ANKH: variants seen among roughly 807,000 people sequenced by gnomAD.
The protein encoded by ANKH is mineralization regulator ANKH.
Under a neutral mutation model 49.0 loss-of-function variants are expected in ANKH, and 15 were observed. That is an observed-to-expected ratio of 0.31 (90% confidence interval 0.20 to 0.47). ANKH has a LOEUF of 0.47. ANKH is among the 20% of genes least tolerant of loss of function. The pLI is 1.00. For synonymous variants in ANKH, 273 were observed against 260.0 expected (o/e 1.05, Z -0.48); for missense variants, 429 against 652.0 (o/e 0.66, Z 3.72).
intron 1 of ANKH, 96 bp from the exon 2 acceptor site, chr5:14,769,287 A>T: frequency 9.6e-7 from 1 of 1,040,734 alleles, no homozygotes; most frequent in Non-Finnish European, 1.5e-6. Context: ...TCACGTTTCT[A>T]TAGAAACACT....
intron 1 of ANKH, among the ~76,000 whole-genome samples, chr5:14,809,354 A>AAAAAAG (rs1561065397): frequency 5.1e-4 from 67 of 130,230 alleles, no homozygotes; most frequent in East Asian, 2.2e-3. Flanking sequence ...AAAAAAAAAA[A>AAAAAAG]AAAGAAAAAA....
intron 7 of ANKH, among the ~76,000 whole-genome samples, chr5:14,743,874 C>G (rs989098455): frequency 6.6e-6 from 1 of 152,176 alleles, no homozygotes; most frequent in Non-Finnish European, 1.5e-5. Flanking sequence ...CTTGGATGCT[C>G]TTACTGAAAC....
At position 14,751,198 on chromosome 5, in the gene ANKH, G is replaced by A. The variant is rs1289982722; in HGVS notation, c.558C>T (p.Cys186=). Residue 186 remains cysteine (C), a synonymous_variant, in exon 5 of 12, where the codon TGC becomes TGT. Coordinates refer to ENST00000284268, the MANE Select transcript of ANKH (RefSeq NM_054027.6). The part of the protein sequence containing the change: ...VAILLHSHLE[C]REPLLIPILS... Reference sequence around the variant, plus strand: ...GGATCGGGATGAGCAGGGGCTCCCGGCATTCCAGGTGACTGTGAAGCAAAA... The same window carrying A: ...GGATCGGGATGAGCAGGGGCTCCCGACATTCCAGGTGACTGTGAAGCAAAA... 2 of 1,614,194 alleles carry A rather than the reference G, an allele frequency of 1.2e-6. No individual in the cohort carries two copies. Among genetic ancestry groups the A allele is most frequent in the East Asian group, 4.5e-5 (2 of 44,872 alleles).
In ANKH at chr5:14,706,649, T is replaced by C. The variant is rs557194916; in HGVS notation, c.*4548A>G. The C allele has an allele frequency of 1.3e-5, 2 of 152,318 alleles. No individual in the cohort carries two copies. The highest frequency in any genetic ancestry group is 3.9e-4 in the East Asian group (2 of 5,190). 9.4% of individuals were successfully genotyped at this position (152,318 alleles called of 1,614,324 possible). A position where few individuals can be genotyped will look rare whatever the true frequency, so the allele number is the denominator to read the frequency against. ...TGAACATTTGCATGATTTTAGACAT[T>C]TTGCCTTTAAAAGGGCAGGCAACAG... On this transcript the variant is annotated 3_prime_UTR_variant, in exon 12 of 12. Transcript: ENST00000284268.
At chr5:14,717,960 G>C (rs1336989268) in intron 8 of ANKH, among the ~76,000 whole-genome samples, 1 of 152,146 alleles carries the variant, frequency 6.6e-6, no homozygotes, top group Non-Finnish European at 1.5e-5. Flanking sequence ...GAAAACGGGG[G>C]AATTAAGAGA....
chr5:14,776,758 T>A (rs1055357508), intron 1 of ANKH, among the ~76,000 whole-genome samples: 6 of 152,218 alleles, frequency 3.9e-5, no homozygotes, highest in Middle Eastern at 3.2e-3. Flanking sequence ...GCCAAGACAT[T>A]CACCAGGGCA....
rs1737094396 is a variant in ANKH at position 14,709,868 on chromosome 5, C to T, written c.*1329G>A. ...TGCGAAAATAGGAAATGTATTATAG[C>T]CTAAAATAAATTACATAACATATAC... On this transcript the variant is annotated 3_prime_UTR_variant, in exon 12 of 12. Coordinates refer to ENST00000284268, the MANE Select transcript of ANKH (RefSeq NM_054027.6). The T allele has an allele frequency of 6.6e-6, 1 of 152,480 alleles. No homozygotes were observed. 9.4% of individuals were successfully genotyped at this position (152,480 alleles called of 1,614,324 possible).
intron 1 of ANKH, among the ~76,000 whole-genome samples, chr5:14,837,082 C>A (rs1741677405): frequency 6.6e-6 from 1 of 152,190 alleles, no homozygotes. Flanking sequence ...AAAGCTGAAA[C>A]TGGATCCCTT....
chr5:14,863,018 A>T (rs916627259), intron 1 of ANKH, among the ~76,000 whole-genome samples: 1 of 152,188 alleles, frequency 6.6e-6, no homozygotes, highest in African/African-American at 2.4e-5. Flanking sequence ...AACATCAAAA[A>T]GCAAGAACTC....
Position 14,711,012 on chromosome 5 carries a change from T to C in ANKH, c.*185A>G, listed in dbSNP as rs1474518580. 6.3e-6 allele frequency: 4 copies of C among 638,506 alleles called. No individual in the cohort carries two copies. In the East Asian group the frequency reaches 8.4e-5, roughly 13 times the overall value. The allele number at this position is 638,506 out of a possible 1,614,324, so 39.6% of individuals were successfully genotyped here. Reference sequence around the variant, plus strand: ...GCAACAGTAAAGACCATTCACTAGGTCCCCCCGTCAGTGTGAGCATACCCA... The same window carrying C: ...GCAACAGTAAAGACCATTCACTAGGCCCCCCCGTCAGTGTGAGCATACCCA... On this transcript the variant is annotated 3_prime_UTR_variant, in exon 12 of 12. Transcript: ENST00000284268.
chr5:14,794,379 G>T (rs1161379551), intron 1 of ANKH, among the ~76,000 whole-genome samples: 1 of 152,254 alleles, frequency 6.6e-6, no homozygotes, highest in Non-Finnish European at 1.5e-5. Context: ...GCAGAGAGGG[G>T]CCCTGGCCGT....
At position 14,763,963 on chromosome 5, in the gene ANKH, C is replaced by T. The variant is rs258216; in HGVS notation, c.313+5012G>A. Among the ~76,000 whole-genome samples, 756 of 152,142 alleles carry T rather than the reference C, an allele frequency of 5.0e-3. 5 individuals carry two copies. Among genetic ancestry groups the T allele is most frequent in the Non-Finnish European group, 6.4e-3 (436 of 68,014 alleles). On this transcript the variant is annotated intron_variant, in intron 2 of 11. Coordinates refer to ENST00000284268, the MANE Select transcript of ANKH (RefSeq NM_054027.6). ...AATTAGCTGGGTGAGGTGGCAGGTG[C>T]CTGTAATCCCAGCTACTTGGGAGGC...
chr5:14,722,436 TTAGAGAAA>T (rs1354966945), intron 8 of ANKH, among the ~76,000 whole-genome samples: 5 of 152,142 alleles, frequency 3.3e-5, no homozygotes, highest in African/African-American at 1.2e-4. Context: ...CCAGGATTCC[TTAGAGAAA>T]TGACTCATTC....
At chr5:14,761,037 C>T (rs1331562126) in intron 2 of ANKH, among the ~76,000 whole-genome samples, 1 of 152,074 alleles carries the variant, frequency 6.6e-6, no homozygotes, top group Admixed American at 6.5e-5. Flanking sequence ...AACGGATATT[C>T]AGATACAGAG....
At chr5:14,809,329 G>A (rs1740801700) in intron 1 of ANKH, among the ~76,000 whole-genome samples, 1 of 41,958 alleles carries the variant, frequency 2.4e-5, no homozygotes, top group African/African-American at 1.0e-4. Flanking sequence ...AAAACTTAGA[G>A]TATAATAAAA....
In ANKH at chr5:14,712,903, T is replaced by C. The variant is rs778247492; in HGVS notation, c.1336A>G (p.Ile446Val). ...TTCCGGTAGACATAGCACGCAGCGA[T>C]GGCGACCATGGTGGATTCTCCCACA... ...GFVGESTMVA[I>V]AACYVYRKQK... Residue 446 changes from isoleucine (I) to valine (V), a missense_variant, in exon 11 of 12, where the codon ATC (isoleucine) becomes GTC (valine). Physicochemically the swap from Ile to Val is conservative, Grantham distance 29 (BLOSUM62 3). This residue lies in a region of ANKH where 378 missense variants were observed against 615.3 expected (regional missense o/e 0.61). Transcript: ENST00000284268. 1 of 1,612,794 alleles carries C rather than the reference T, an allele frequency of 6.2e-7. No homozygotes were observed. Among genetic ancestry groups the C allele is most frequent in the East Asian group, 2.2e-5 (1 of 44,846 alleles).
At chr5:14,806,809 A>G (rs914310132) in intron 1 of ANKH, among the ~76,000 whole-genome samples, 4 of 152,226 alleles carry the variant, frequency 2.6e-5, no homozygotes, top group African/African-American at 9.6e-5. Flanking sequence ...CTCTGAACTG[A>G]TGCCTATGCA....
rs1737098985 is a variant in ANKH at position 14,709,924 on chromosome 5, T to G, written c.*1273A>C. 1.3e-5 allele frequency: 2 copies of G among 152,432 alleles called. No individual in the cohort carries two copies. Among genetic ancestry groups the G allele is most frequent in the African/African-American group, 4.8e-5 (2 of 41,464 alleles). The allele number at this position is 152,432 out of a possible 1,614,324, so 9.4% of individuals were successfully genotyped here. A position where few individuals can be genotyped will look rare whatever the true frequency, so the allele number is the denominator to read the frequency against. On this transcript the variant is annotated 3_prime_UTR_variant, in exon 12 of 12. Transcript: ENST00000284268. ...ATATTTATATCTTTAAAATATTTTT[T>G]TTTTTAGGTTCTTTCAGTCTAGGAA...
At chr5:14,722,570 G>A (rs1737703560) in intron 8 of ANKH, among the ~76,000 whole-genome samples, 1 of 152,204 alleles carries the variant, frequency 6.6e-6, no homozygotes, top group African/African-American at 2.4e-5. Flanking sequence ...ACAGAAGCCA[G>A]GCAGAAGGAG....
Sources: allele counts gnomAD v4.1 joint callset (sites outside exome capture counted in the v4.1 genomes callset), GRCh38; gene constraint gnomAD v4.1.1; regional missense constraint gnomAD v4.1.1; transcripts MANE v1.5; gene names NCBI Gene and HGNC (gene_info 2026-07-23, HGNC 2026-07-21).